TCF20: variants seen among roughly 807,000 people sequenced by gnomAD.
The protein encoded by TCF20 is SPRE-binding protein.
In TCF20, 3 loss-of-function variants were observed where a neutral mutation model predicts 148.6. The ratio of observed to expected loss-of-function variants is 0.02; its 90% confidence interval spans 0.01 to 0.05. The LOEUF is 0.05. TCF20 is among the 10% of genes least tolerant of loss of function. The pLI, the probability that TCF20 is intolerant of heterozygous loss-of-function variation, is 1.00. For missense variants in TCF20, 2,350 were observed against 2,429.3 expected (o/e 0.97, Z 0.69); for synonymous variants, 1,049 against 909.5 (o/e 1.15, Z -2.76).
chr22:42,331,527 C>T (rs1275465667), intron 1 of TCF20, among the ~76,000 whole-genome samples: 6 of 152,268 alleles, frequency 3.9e-5, no homozygotes, highest in African/African-American at 1.2e-4. Flanking sequence ...CCCAGTGCCT[C>T]CCAGACCCGG....
At chr22:42,238,532 A>G (rs73431690) in intron 1 of TCF20, among the ~76,000 whole-genome samples, 5,981 of 152,290 alleles carry the variant, frequency 0.039, 388 homozygotes, top group African/African-American at 0.14. Context: ...TATTCAGCCT[A>G]TCTTGGCTTT....
At chr22:42,311,496 C>T (rs1011593639) in intron 1 of TCF20, among the ~76,000 whole-genome samples, 1 of 152,168 alleles carries the variant, frequency 6.6e-6, no homozygotes, top group Non-Finnish European at 1.5e-5. Context: ...AGGATTGGGC[C>T]CTCTCTCAGC....
upstream of TCF20, among the ~76,000 whole-genome samples, chr22:42,273,438 T>A (rs1926697111): frequency 6.8e-6 from 1 of 146,716 alleles, no homozygotes; most frequent in Non-Finnish European, 1.5e-5. Context: ...TTCTATGACA[T>A]GGACACAAAA....
intron 4 of TCF20, among the ~76,000 whole-genome samples, 200 bp downstream of exon 4, chr22:42,169,647 C>G (rs530497352): frequency 6.6e-6 from 1 of 152,194 alleles, no homozygotes; most frequent in South Asian, 2.1e-4. Context: ...CATAATACTC[C>G]GAGTGCTGGC....
At position 42,297,357 on chromosome 22, in the gene TCF20, A is replaced by G. The variant is rs973780028; in HGVS notation, c.-37+46122T>C. 5.3e-5 allele frequency among the ~76,000 whole-genome samples: 8 copies of G among 152,202 alleles called. No homozygotes were observed. The highest frequency in any genetic ancestry group is 1.9e-4 in the African/African-American group (8 of 41,452). ...GCTTAAGGGTTGGTCATATTCATGG[A>G]GCGGCAAGAATGAGGAGTGGGTCCT... On this transcript the variant is annotated intron_variant, in intron 1 of 1. Coordinates refer to the TCF20 transcript ENST00000515426. This position sits in a 1 kb window ranked among gnomAD's most constrained non-coding sequence, Gnocchi z 4.3.
chr22:42,216,371 T>C (rs1302900743), intron 1 of TCF20, among the ~76,000 whole-genome samples: 2 of 152,170 alleles, frequency 1.3e-5, no homozygotes, highest in South Asian at 4.1e-4. Context: ...CAATTCCTTA[T>C]GTCCAAGTGC....
intron 1 of TCF20, among the ~76,000 whole-genome samples, chr22:42,303,302 G>A (rs537522713): frequency 2.0e-5 from 3 of 152,318 alleles, no homozygotes; most frequent in African/African-American, 4.8e-5. Context: ...TTCACCACGC[G>A]TACCGAGGAG....
intron 1 of TCF20, among the ~76,000 whole-genome samples, chr22:42,329,973 C>A (rs1319807400): frequency 6.6e-6 from 1 of 152,216 alleles, no homozygotes; most frequent in Non-Finnish European, 1.5e-5. Context: ...AGGAAACCCA[C>A]CCAGCCATCT....
chr22:42,271,023 C>T (rs1926597511), upstream of TCF20, among the ~76,000 whole-genome samples: 1 of 152,108 alleles, frequency 6.6e-6, no homozygotes. Flanking sequence ...TCCCTGGAGC[C>T]TCCAACTCCA....
At chr22:42,288,321 A>G (rs1435137172), upstream of TCF20, among the ~76,000 whole-genome samples, 1 of 152,154 alleles carries the variant, frequency 6.6e-6, no homozygotes, top group Non-Finnish European at 1.5e-5. Context: ...GCAGATCACG[A>G]GGTCAGGAAA....
chr22:42,179,754 C>T, intron 2 of TCF20, 52 bp from the exon 3 acceptor site: 1 of 1,207,928 alleles, frequency 8.3e-7, no homozygotes, highest in Non-Finnish European at 1.2e-6. Context: ...TTGGCCCTCT[C>T]CTCCAGGCCT....
Position 42,196,811 on chromosome 22 carries a change from A to G in TCF20, c.5655+12840T>C, listed in dbSNP as rs531167706. On this transcript the variant is annotated intron_variant, in intron 2 of 5. Transcript: ENST00000677622. The stretch of plus-strand genomic sequence containing the variant: ...ACCGCTGAACAATGTCAGGGCACCC[A>G]GGTCCCACTGGTGGTGCTAGTCCAT... Among the ~76,000 whole-genome samples the G allele has an allele frequency of 2.6e-5, 4 of 152,214 alleles. No individual in the cohort carries two copies. The East Asian group carries it at 7.7e-4, about 29-fold the overall frequency.
intron 1 of TCF20, among the ~76,000 whole-genome samples, chr22:42,219,676 C>T (rs1053928234): frequency 1.3e-4 from 19 of 151,872 alleles, no homozygotes; most frequent in Admixed American, 7.9e-4. Flanking sequence ...GGCAACATGG[C>T]GAAACCCTAT....
At chr22:42,266,959 T>A (rs939049649) in intron 1 of TCF20, among the ~76,000 whole-genome samples, 3 of 151,818 alleles carry the variant, frequency 2.0e-5, no homozygotes, top group African/African-American at 7.3e-5. Context: ...AATATACATG[T>A]GAGCATGATA....
intron 1 of TCF20, among the ~76,000 whole-genome samples, chr22:42,298,525 ACCCCGAAGCAGAAGG>A (rs1927275409): frequency 6.6e-6 from 1 of 151,866 alleles, no homozygotes; most frequent in African/African-American, 2.4e-5. Flanking sequence ...CCTGCCCAGA[ACCCCGAAGCAGAAGG>A]CCTGGGTCCC....
At position 42,297,532 on chromosome 22, in the gene TCF20, G is replaced by A. The variant is rs1295046301; in HGVS notation, c.-37+45947C>T. The stretch of plus-strand genomic sequence containing the variant: ...GCACAGCTGGGTGAGCCCCATGGCT[G>A]GGCTGGAGGGGCCAGACACTGGGGA... On this transcript the variant is annotated intron_variant, in intron 1 of 1. Coordinates refer to the TCF20 transcript ENST00000515426. The surrounding 1 kb of genome is among the most constrained non-coding windows in gnomAD (Gnocchi z 4.3). 6.6e-6 allele frequency among the ~76,000 whole-genome samples: 1 copy of A among 152,236 alleles called. No homozygotes were observed. Among genetic ancestry groups the A allele is most frequent in the Non-Finnish European group, 1.5e-5 (1 of 68,038 alleles).
chr22:42,282,725 G>A (rs1926929506), intron 1 of TCF20, among the ~76,000 whole-genome samples: 1 of 152,202 alleles, frequency 6.6e-6, no homozygotes, highest in African/African-American at 2.4e-5. Flanking sequence ...GACAGCGCCT[G>A]GGGGTTGGGA....
At chr22:42,328,618 G>A (rs1197674127) in intron 1 of TCF20, among the ~76,000 whole-genome samples, 5 of 152,146 alleles carry the variant, frequency 3.3e-5, no homozygotes, top group Admixed American at 1.3e-4. Flanking sequence ...ACTCACCCAC[G>A]CCCTGAGCAA....
intron 1 of TCF20, among the ~76,000 whole-genome samples, chr22:42,246,772 C>A (rs1924945597): frequency 6.6e-6 from 1 of 151,832 alleles, no homozygotes; most frequent in Non-Finnish European, 1.5e-5. Context: ...TTGAGACCAG[C>A]CTGGCCAACA....
Sources: allele counts gnomAD v4.1 joint callset (sites outside exome capture counted in the v4.1 genomes callset), GRCh38; gene constraint gnomAD v4.1.1; non-coding constraint Gnocchi (gnomAD v3.1); transcripts MANE v1.5; gene names NCBI Gene and HGNC (gene_info 2026-07-23, HGNC 2026-07-21).